The following GAB2 variants were observed in gnomAD, a reference collection of about 807,000 sequenced individuals.
GAB2 encodes the protein GRB2 associated binding protein 2.
Under a neutral mutation model 65.5 loss-of-function variants are expected in GAB2, and 26 were observed. That is an observed-to-expected ratio of 0.40 (90% CI 0.29 to 0.55). The LOEUF is 0.55. GAB2 is among the 20% of genes least tolerant of loss of function. The pLI is 0.53. For synonymous variants in GAB2, 321 were observed against 329.6 expected (o/e 0.97, Z 0.28); for missense variants, 884 against 875.8 (o/e 1.01, Z -0.12).
chr11:78,331,729 G>C (rs1361683799), intron 1 of GAB2, among the ~76,000 whole-genome samples: 1 of 152,140 alleles, frequency 6.6e-6, no homozygotes, highest in African/African-American at 2.4e-5. Flanking sequence ...CCTAGAAAGG[G>C]ATTACAGAGG....
intron 1 of GAB2, among the ~76,000 whole-genome samples, chr11:78,376,897 G>A (rs1856637564): frequency 6.6e-6 from 1 of 152,196 alleles, no homozygotes; most frequent in Non-Finnish European, 1.5e-5. Context: ...TTGGTGGAAG[G>A]TGTTTAGATC....
intron 1 of GAB2, among the ~76,000 whole-genome samples, chr11:78,310,947 G>C (rs565981247): frequency 8.5e-5 from 13 of 152,242 alleles, no homozygotes; most frequent in African/African-American, 3.1e-4. Context: ...CCTTACTAAA[G>C]GTTTTTTCTT....
chr11:78,234,807 C>T (rs1864940632), intron 3 of GAB2, among the ~76,000 whole-genome samples: 2 of 151,784 alleles, frequency 1.3e-5, no homozygotes, highest in Admixed American at 1.3e-4. Context: ...TTAAAAATTT[C>T]TTTGGTTGCT....
chr11:78,291,561 CTTTTTTTTTTT>C (rs1163199130), intron 1 of GAB2, among the ~76,000 whole-genome samples: 7 of 80,900 alleles, frequency 8.7e-5, no homozygotes, highest in South Asian at 8.8e-4. Flanking sequence ...TTTTCTTTTT[CTTTTTTTTTTT>C]TTTTTTTTTT....
intron 1 of GAB2, among the ~76,000 whole-genome samples, chr11:78,394,472 C>T (rs1024191309): frequency 4.6e-5 from 7 of 152,108 alleles, no homozygotes; most frequent in Admixed American, 2.6e-4. Flanking sequence ...CCCTACCCCA[C>T]GGTGGGCTCC....
intron 7 of GAB2, 74 bp downstream of exon 7, chr11:78,222,031 A>C: frequency 1.0e-6 from 1 of 962,514 alleles, no homozygotes; most frequent in Non-Finnish European, 1.7e-6. Context: ...CCCGGCCCAC[A>C]GGCCAGCTAC....
intron 1 of GAB2, among the ~76,000 whole-genome samples, chr11:78,357,166 C>G (rs1425396021): frequency 1.3e-5 from 2 of 152,086 alleles, no homozygotes. Context: ...ATGTTTCATT[C>G]ACCACAATAA....
chr11:78,311,809 T>A (rs369323662), intron 1 of GAB2, among the ~76,000 whole-genome samples: 75 of 152,040 alleles, frequency 4.9e-4, no homozygotes, highest in African/African-American at 1.8e-3. Context: ...GAGGCGGTAG[T>A]TAGGTATGAG....
At chr11:78,313,299 G>A (rs529867514) in intron 1 of GAB2, among the ~76,000 whole-genome samples, 1 of 151,898 alleles carries the variant, frequency 6.6e-6, no homozygotes, top group African/African-American at 2.4e-5. Context: ...GACTGAATCC[G>A]AATCCTAGAC....
intron 3 of GAB2, among the ~76,000 whole-genome samples, chr11:78,232,878 A>G (rs1864883022): frequency 6.6e-6 from 1 of 152,196 alleles, no homozygotes; most frequent in Non-Finnish European, 1.5e-5. Context: ...ATAATCTTAC[A>G]GGATTACTTT....
At chr11:78,369,359 C>A (rs888052846) in intron 1 of GAB2, among the ~76,000 whole-genome samples, 2 of 152,132 alleles carry the variant, frequency 1.3e-5, no homozygotes, top group Non-Finnish European at 1.5e-5. Context: ...GTATTTGAGC[C>A]ATGACTTACT....
chr11:78,265,062 C>T (rs1865838995), intron 2 of GAB2, among the ~76,000 whole-genome samples: 1 of 152,010 alleles, frequency 6.6e-6, no homozygotes, highest in Admixed American at 6.6e-5. Context: ...TGTCTTATTT[C>T]TATTTTACTG....
chr11:78,331,923 G>C (rs1277712716), intron 1 of GAB2, among the ~76,000 whole-genome samples: 1 of 152,156 alleles, frequency 6.6e-6, no homozygotes, highest in Non-Finnish European at 1.5e-5. Flanking sequence ...GTGTCCATTG[G>C]GAAGGGGAAA....
chr11:78,255,715 A>G (rs1421074973), intron 2 of GAB2, among the ~76,000 whole-genome samples: 1 of 152,206 alleles, frequency 6.6e-6, no homozygotes, highest in Non-Finnish European at 1.5e-5. Flanking sequence ...ATGGCTTGCC[A>G]TTGGTAAGTG....
chr11:78,371,841 G>A (rs1185971734), intron 1 of GAB2, among the ~76,000 whole-genome samples: 1 of 152,088 alleles, frequency 6.6e-6, no homozygotes, highest in Non-Finnish European at 1.5e-5. Flanking sequence ...ATAAATAAAA[G>A]GTTTTGAAGC....
At chr11:78,241,737 G>T (rs1865140242) in intron 3 of GAB2, among the ~76,000 whole-genome samples, 1 of 152,120 alleles carries the variant, frequency 6.6e-6, no homozygotes. Flanking sequence ...AAGAAAGGTA[G>T]TTTGAAATTA....
chr11:78,270,496 G>C (rs375037225), intron 2 of GAB2, among the ~76,000 whole-genome samples: 7 of 152,218 alleles, frequency 4.6e-5, no homozygotes, highest in South Asian at 2.1e-4. Context: ...AGCCATAGAC[G>C]GTAGTCAAAA....
intron 2 of GAB2, among the ~76,000 whole-genome samples, chr11:78,266,403 AG>A (rs1865876845): frequency 1.3e-5 from 2 of 151,992 alleles, no homozygotes; most frequent in South Asian, 4.2e-4. Context: ...CCAGCTCTCT[AG>A]GCCTTGGGGC....
At chr11:78,314,376 C>T (rs573319178) in intron 1 of GAB2, among the ~76,000 whole-genome samples, 7 of 152,310 alleles carry the variant, frequency 4.6e-5, no homozygotes, top group African/African-American at 1.7e-4. Flanking sequence ...ATTTTTAATA[C>T]AACCACTTAG....
Sources: allele counts gnomAD v4.1 joint callset (sites outside exome capture counted in the v4.1 genomes callset), GRCh38; gene constraint gnomAD v4.1.1; transcripts MANE v1.5; gene names NCBI Gene and HGNC (gene_info 2026-07-23, HGNC 2026-07-21).